MRPS16: variants seen among roughly 807,000 people sequenced by gnomAD.
MRPS16 encodes small ribosomal subunit protein bS16m.
Under a neutral mutation model 11.0 loss-of-function variants are expected in MRPS16, and 5 were observed. That is an observed-to-expected ratio of 0.46 (90% CI 0.24 to 0.96). The LOEUF (loss-of-function observed/expected upper bound fraction) is 0.96, where lower values mean the gene tolerates loss of function less well. MRPS16 is among the 40% of genes least tolerant of loss of function. The pLI, the probability that MRPS16 is intolerant of heterozygous loss-of-function variation, is 0.20. For synonymous variants in MRPS16, 76 were observed against 65.0 expected, an observed-to-expected ratio of 1.17 and a Z score of -0.81; for missense variants, 179 against 174.4, an observed-to-expected ratio of 1.03 and a Z score of -0.15.
rs551492853 is a variant in MRPS16, at chr10:73,252,554, C to G, written c.-72G>C. On this transcript the variant is annotated 5_prime_UTR_variant, in exon 1 of 3. Coordinates refer to ENST00000372945, the MANE Select transcript of MRPS16 (RefSeq NM_016065.4). Reference sequence around the variant, plus strand: ...CACCAGCTCTACGGCCTTGGCAGGGCAGAGAACAAACACAGAAAGAACCTG... The same window carrying G: ...CACCAGCTCTACGGCCTTGGCAGGGGAGAGAACAAACACAGAAAGAACCTG... The G allele has an allele frequency of 1.3e-6, 2 of 1,586,628 alleles. No individual in the cohort carries two copies. The highest frequency in any genetic ancestry group is 2.2e-5 in the South Asian group (2 of 89,288).
Position 73,251,814 on chromosome 10 carries a change from G to A in MRPS16, c.223C>T (p.His75Tyr). 6.2e-7 allele frequency: 1 copy of A among 1,614,202 alleles called. No individual in the cohort carries two copies. Among genetic ancestry groups the A allele is most frequent in the Non-Finnish European group, 8.5e-7 (1 of 1,180,034 alleles). Residue 75 changes from histidine to tyrosine, a missense_variant, in exon 2 of 3, where the codon CAT (histidine) becomes TAT (tyrosine). Coordinates refer to ENST00000372945, the MANE Select transcript of MRPS16 (RefSeq NM_016065.4). ...LVALNLDRIR[H>Y]WIGCGAHLSK... The stretch of plus-strand genomic sequence containing the variant: ...AGGTGGGCCCCGCAGCCAATCCAAT[G>A]ACGGATCCTGTCTAGGTTGAGGGCA...
In MRPS16 at chr10:73,249,457, C is replaced by T; in HGVS notation, c.*1395G>A. 1.2e-6 allele frequency: 1 copy of T among 802,238 alleles called. No homozygotes were observed. The highest frequency in any genetic ancestry group is 2.7e-5 in the East Asian group (1 of 36,572). The allele number at this position is 802,238 out of a possible 1,614,324, so 49.7% of individuals were successfully genotyped here. A position where few individuals can be genotyped will look rare whatever the true frequency, so the allele number is the denominator to read the frequency against. Reference sequence around the variant, plus strand: ...AAAAGATACAAGAAGTAAAATGCAACACTCATTACAGGTTGTCAACATTAT... The same window carrying T: ...AAAAGATACAAGAAGTAAAATGCAATACTCATTACAGGTTGTCAACATTAT... On this transcript the variant is annotated 3_prime_UTR_variant, in exon 3 of 3. Transcript: ENST00000372945.
At chr10:73,251,681 G>A (rs1589211029) in intron 2 of MRPS16, 82 bp downstream of exon 2, 2 of 1,599,534 alleles carry the variant, frequency 1.3e-6, no homozygotes, top group East Asian at 4.5e-5. Context: ...GTGCCCAGCC[G>A]AAAATCATTC....
In MRPS16 at chr10:73,250,197, G is replaced by A. The variant is rs2044068499; in HGVS notation, c.*655C>T. 6.7e-6 allele frequency: 1 copy of A among 150,332 alleles called. No individual in the cohort carries two copies. Among genetic ancestry groups the A allele is most frequent in the African/African-American group, 2.5e-5 (1 of 40,280 alleles). The allele number at this position is 150,332 out of a possible 1,614,324, so 9.3% of individuals were successfully genotyped here. On this transcript the variant is annotated 3_prime_UTR_variant, in exon 3 of 3. Transcript: ENST00000372945. Reference sequence around the variant, plus strand: ...ATCGCGCCACTGCACTCAAGCCTGGGCGACAGAGCGAGACTCCTCTCAAAA... The same window carrying A: ...ATCGCGCCACTGCACTCAAGCCTGGACGACAGAGCGAGACTCCTCTCAAAA...
rs184876174 is a variant in MRPS16 at position 73,249,107 on chromosome 10, C to T, written c.*1745G>A. Reference sequence around the variant, plus strand: ...CTAATTTTTTAAGTTTTTGTAGAGACGGGGTCTTGCTGTGTTGCACAGGCT... The same window carrying T: ...CTAATTTTTTAAGTTTTTGTAGAGATGGGGTCTTGCTGTGTTGCACAGGCT... On this transcript the variant is annotated 3_prime_UTR_variant, in exon 3 of 3. Transcript: ENST00000372945. 1.9e-5 allele frequency: 12 copies of T among 620,302 alleles called. No homozygotes were observed. The highest frequency in any genetic ancestry group is 5.6e-5 in the African/African-American group (3 of 53,888). The allele number at this position is 620,302 out of a possible 1,614,324, so 38.4% of individuals were successfully genotyped here. A position where few individuals can be genotyped will look rare whatever the true frequency, so the allele number is the denominator to read the frequency against.
chr10:73,250,668 C>T lies in MRPS16; in HGVS notation c.*184G>A. On this transcript the variant is annotated 3_prime_UTR_variant, in exon 3 of 3. Transcript: ENST00000372945. Reference sequence around the variant, plus strand: ...GAAAAAAGCTAATTAGTACCCACACCCAGCTCTAAGTCACACAAGAACAAA... The same window carrying T: ...GAAAAAAGCTAATTAGTACCCACACTCAGCTCTAAGTCACACAAGAACAAA... 1.3e-6 allele frequency: 1 copy of T among 764,332 alleles called. No homozygotes were observed. The highest frequency in any genetic ancestry group is 2.2e-6 in the Non-Finnish European group (1 of 460,796). The allele number at this position is 764,332 out of a possible 1,614,324, so 47.3% of individuals were successfully genotyped here. A position where few individuals can be genotyped will look rare whatever the true frequency, so the allele number is the denominator to read the frequency against.
At chr10:73,251,461 C>T (rs530645933) in intron 2 of MRPS16, among the ~76,000 whole-genome samples, 6 of 152,220 alleles carry the variant, frequency 3.9e-5, no homozygotes, top group South Asian at 4.1e-4. Flanking sequence ...CTGCAACCTC[C>T]GCCTCCTGGG....
In MRPS16 at chr10:73,249,196, G is replaced by A; in HGVS notation, c.*1656C>T. 1.6e-6 allele frequency: 2 copies of A among 1,264,400 alleles called. No homozygotes were observed. The highest frequency in any genetic ancestry group is 1.9e-4 in the Middle Eastern group (1 of 5,240). The allele number at this position is 1,264,400 out of a possible 1,614,324, so 78.3% of individuals were successfully genotyped here. ...GCCTCCCAAAGTGCTGAGATTACAG[G>A]TGTGAGCCACTGCCCCAATGGTATC... is the stretch of plus-strand genomic sequence containing the variant. On this transcript the variant is annotated 3_prime_UTR_variant, in exon 3 of 3. Transcript: ENST00000372945.
chr10:73,251,475 A>G (rs981726198), intron 2 of MRPS16, among the ~76,000 whole-genome samples: 1 of 152,038 alleles, frequency 6.6e-6, no homozygotes, highest in Non-Finnish European at 1.5e-5. Flanking sequence ...TCCTGGGTTC[A>G]AGCGATTCTC....
chr10:73,251,624 G>A (rs893759258), intron 2 of MRPS16, 139 bp downstream of exon 2: 19 of 1,207,610 alleles, frequency 1.6e-5, no homozygotes, highest in Admixed American at 1.5e-4. Context: ...CAGGTGATCC[G>A]CCCGCCTCGG....
intron 1 of MRPS16, 182 bp downstream of exon 1, chr10:73,252,288 G>A (rs1337525628): frequency 2.7e-6 from 3 of 1,109,044 alleles, no homozygotes; most frequent in Non-Finnish European, 2.6e-6. Context: ...CTTCAATGGG[G>A]TGGAAATTTT....
intron 1 of MRPS16, 148 bp from the exon 2 acceptor site, chr10:73,252,171 C>T (rs1022084259): frequency 9.5e-5 from 121 of 1,275,894 alleles, no homozygotes; most frequent in Non-Finnish European, 1.3e-4. Flanking sequence ...CTTTGTGAAA[C>T]CCCTCTTGGC....
chr10:73,252,184 G>C lies in MRPS16; in HGVS notation c.14-161C>G, dbSNP rs2271907. 100,823 of 1,210,796 alleles carry C rather than the reference G, an allele frequency of 0.083. 6,424 individuals carry two copies. The highest frequency in any genetic ancestry group is 0.29 in the East Asian group (11,211 of 39,296). The allele number at this position is 1,210,796 out of a possible 1,614,324, so 75.0% of individuals were successfully genotyped here. Reference sequence around the variant, plus strand: ...TTCTTTGTGAAACCCCTCTTGGCCAGTCCAGCCAGCAATGACCTCCTCCTC... The same window carrying C: ...TTCTTTGTGAAACCCCTCTTGGCCACTCCAGCCAGCAATGACCTCCTCCTC... On this transcript the variant is annotated intron_variant, in intron 1 of 2. Transcript: ENST00000372945.
intron 1 of MRPS16, 74 bp downstream of exon 1, chr10:73,252,396 G>A: frequency 2.5e-6 from 4 of 1,599,064 alleles, no homozygotes; most frequent in South Asian, 1.1e-5. Flanking sequence ...GCCTGGGAGA[G>A]CTCTCCCCAC....
Position 73,252,527 on chromosome 10 carries a change from C to A in MRPS16, c.-45G>T, listed in dbSNP as rs1056178124. ...TCCTCGGAGAGCCCCGCTACCCGCACGCACCAGCTCTACGGCCTTGGCAGG... is the reference window on the plus strand; with the variant it reads ...TCCTCGGAGAGCCCCGCTACCCGCAAGCACCAGCTCTACGGCCTTGGCAGG... On this transcript the variant is annotated 5_prime_UTR_variant, in exon 1 of 3. Transcript: ENST00000372945. 1 of 1,602,614 alleles carries A rather than the reference C, an allele frequency of 6.2e-7. No homozygotes were observed. Among genetic ancestry groups the A allele is most frequent in the Non-Finnish European group, 8.5e-7 (1 of 1,178,902 alleles).
In MRPS16 at chr10:73,251,921, T is replaced by A. The variant is rs1022872292; in HGVS notation, c.116A>T (p.Asn39Ile). 10 of 1,614,080 alleles carry A rather than the reference T, an allele frequency of 6.2e-6. No homozygotes were observed. The highest frequency in any genetic ancestry group is 7.6e-6 in the Non-Finnish European group (9 of 1,180,044). The change falls in exon 2 of 3, where the codon AAC becomes ATC. Residue 39 changes from asparagine (N) to isoleucine (I), a missense_variant. Asn to Ile is a moderately radical substitution (Grantham distance 149). Coordinates refer to ENST00000372945, the MANE Select transcript of MRPS16 (RefSeq NM_016065.4). Reference sequence around the variant, plus strand: ...GAAACGGCCATCCCTGGGACACTTGTTGTGAGCAGCCACAATGCGGTAGAA... The same window carrying A: ...GAAACGGCCATCCCTGGGACACTTGATGTGAGCAGCCACAATGCGGTAGAA... ...RPFYRIVAAH[N>I]KCPRDGRFVE...
At position 73,249,326 on chromosome 10, in the gene MRPS16, T is replaced by C. The variant is rs2044053935; in HGVS notation, c.*1526A>G. The C allele has an allele frequency of 1.9e-6, 3 of 1,548,670 alleles. No homozygotes were observed. Among genetic ancestry groups the C allele is most frequent in the Non-Finnish European group, 2.6e-6 (3 of 1,146,036 alleles). On this transcript the variant is annotated 3_prime_UTR_variant, in exon 3 of 3. Transcript: ENST00000372945. ...CATGGGAATACTTGAGACCTAAGAA[T>C]GGTTGTGAGTCAAATAAAAAAGTAG...
rs928182532 is a variant in MRPS16, at chr10:73,251,956, G to C, written c.81C>G (p.Thr27=). Residue 27 remains threonine (T), a synonymous_variant, in exon 2 of 3, where the codon ACC becomes ACG. Transcript: ENST00000372945. The part of the protein sequence containing the change: ...LTIRLALGGC[T]NRPFYRIVAA... Reference sequence around the variant, plus strand: ...CCACAATGCGGTAGAACGGCCGATTGGTGCAGCCACCCAGGGCAAGGCGGA... The same window carrying C: ...CCACAATGCGGTAGAACGGCCGATTCGTGCAGCCACCCAGGGCAAGGCGGA... 1.9e-6 allele frequency: 3 copies of C among 1,614,080 alleles called. No homozygotes were observed. Among genetic ancestry groups the C allele is most frequent in the Admixed American group, 1.7e-5 (1 of 60,004 alleles).
intron 2 of MRPS16, among the ~76,000 whole-genome samples, chr10:73,251,374 ACT>A (rs576814456): frequency 1.5e-4 from 22 of 150,088 alleles, no homozygotes; most frequent in South Asian, 6.3e-4. Flanking sequence ...GAATGAAATA[ACT>A]CTTTTTTTTT....
Sources: allele counts gnomAD v4.1 joint callset (sites outside exome capture counted in the v4.1 genomes callset), GRCh38; gene constraint gnomAD v4.1.1; transcripts MANE v1.5; gene names NCBI Gene and HGNC (gene_info 2026-07-23, HGNC 2026-07-21).